The following PCDHGA6 variants were observed in gnomAD, a reference collection of about 807,000 sequenced individuals.
PCDHGA6 encodes protocadherin gamma subfamily A, 6.
PCDHGA6 carries 41 observed loss-of-function variants against 60.6 expected under a neutral mutation model. The ratio of observed to expected loss-of-function variants is 0.68; its 90% CI spans 0.53 to 0.88. The LOEUF is 0.88. Ranked by LOEUF, PCDHGA6 falls within the 40% of genes least tolerant of loss-of-function variation. The pLI is 0.00. For missense variants in PCDHGA6, 1,312 were observed against 1,203.0 expected, an observed-to-expected ratio of 1.09 and a Z score of -1.34; for synonymous variants, 594 against 524.4, an observed-to-expected ratio of 1.13 and a Z score of -1.81.
In PCDHGA6 at chr5:141,383,030, T is replaced by C. The variant is rs756178371; in HGVS notation, c.2424+6523T>C. 2 of 1,613,742 alleles carry C rather than the reference T, an allele frequency of 1.2e-6. No individual in the cohort carries two copies. Among genetic ancestry groups the C allele is most frequent in the Non-Finnish European group, 1.7e-6 (2 of 1,179,874 alleles). ...TCGGAGGAGACGGACAAAGGGTCCT[T>C]TGTGGGAGACATCGCCAAGGACCTG... On this transcript the variant is annotated intron_variant, in intron 1 of 3. Coordinates refer to ENST00000517434, the MANE Select transcript of PCDHGA6 (RefSeq NM_018919.3).
At chr5:141,392,945 C>A in intron 1 of PCDHGA6, 2 of 1,613,916 alleles carry the variant, frequency 1.2e-6, no homozygotes, top group Non-Finnish European at 1.7e-6. Flanking sequence ...AAGGCTCCTT[C>A]GTGGGTAATA....
In PCDHGA6 at chr5:141,421,044, C is replaced by A. The variant is rs556562994; in HGVS notation, c.2424+44537C>A. 5.5e-6 allele frequency: 3 copies of A among 548,610 alleles called. No individual in the cohort carries two copies. In the South Asian group the frequency reaches 8.2e-5, roughly 15 times the overall value. The allele number at this position is 548,610 out of a possible 1,614,324, so 34.0% of individuals were successfully genotyped here. A position where few individuals can be genotyped will look rare whatever the true frequency, so the allele number is the denominator to read the frequency against. ...CGCGCCATTGAGTCCCTCCCTCCCCCGCCTCTACCACACAAAGCGGAATGA... is the reference window on the plus strand; with the variant it reads ...CGCGCCATTGAGTCCCTCCCTCCCCAGCCTCTACCACACAAAGCGGAATGA... On this transcript the variant is annotated intron_variant, in intron 1 of 3. Transcript: ENST00000517434.
intron 1 of PCDHGA6, chr5:141,415,646 A>G: frequency 6.2e-7 from 1 of 1,600,190 alleles, no homozygotes; most frequent in South Asian, 1.1e-5. Context: ...TTTGTTAAAA[A>G]AAAAAAGATT....
chr5:141,403,694 C>T (rs746395931), intron 1 of PCDHGA6: 3 of 1,613,760 alleles, frequency 1.9e-6, no homozygotes, highest in Admixed American at 3.3e-5. Flanking sequence ...ACGGATTTAC[C>T]GAGTTAAAGT....
In PCDHGA6 at chr5:141,383,993, T is replaced by G. The variant is rs1779669421; in HGVS notation, c.2424+7486T>G. The G allele has an allele frequency of 3.7e-6, 6 of 1,613,872 alleles. No individual in the cohort carries two copies. The highest frequency in any genetic ancestry group is 1.6e-4 in the Middle Eastern group (1 of 6,062). ...CCTGAAGACACACCTCTTGGGACAG[T>G]CATTGCTCTTTTCTACCTACAAGAC... On this transcript the variant is annotated intron_variant, in intron 1 of 3. Transcript: ENST00000517434.
intron 3 of PCDHGA6, among the ~76,000 whole-genome samples, chr5:141,508,837 A>C (rs1596180024): frequency 6.7e-6 from 1 of 149,276 alleles, no homozygotes; most frequent in Non-Finnish European, 1.5e-5. Context: ...CCCCTCCCCT[A>C]CCCCTTCCAT....
intron 1 of PCDHGA6, among the ~76,000 whole-genome samples, chr5:141,442,810 T>C (rs2098345227): frequency 6.6e-6 from 1 of 152,222 alleles, no homozygotes; most frequent in Non-Finnish European, 1.5e-5. Context: ...ATTCAAATTG[T>C]ACTGATCCAA....
In PCDHGA6 at chr5:141,374,589, G is replaced by C; in HGVS notation, c.506G>C (p.Gly169Ala). 1.9e-6 allele frequency: 3 copies of C among 1,613,676 alleles called. No individual in the cohort carries two copies. Among genetic ancestry groups the C allele is most frequent in the Non-Finnish European group, 1.7e-6 (2 of 1,179,726 alleles). Residue 169 changes from glycine to alanine, a missense_variant, in exon 1 of 4, where the codon GGA (glycine) becomes GCA (alanine). Gly to Ala is a moderately conservative substitution (Grantham distance 60). Coordinates refer to ENST00000517434, the MANE Select transcript of PCDHGA6 (RefSeq NM_018919.3). ...DPDVGMNSLQ[G>A]FKLSGNSHFS... Reference sequence around the variant, plus strand: ...GATGTGGGAATGAACTCCCTTCAGGGATTTAAGCTCAGTGGTAATAGTCAC... The same window carrying C: ...GATGTGGGAATGAACTCCCTTCAGGCATTTAAGCTCAGTGGTAATAGTCAC...
chr5:141,451,037 C>T (rs1293972996), intron 1 of PCDHGA6, among the ~76,000 whole-genome samples: 1 of 151,594 alleles, frequency 6.6e-6, no homozygotes, highest in Middle Eastern at 3.2e-3. Context: ...ACCATATTGG[C>T]CAGGCTGGTC....
chr5:141,409,447 A>C, intron 1 of PCDHGA6: 1 of 1,614,008 alleles, frequency 6.2e-7, no homozygotes, highest in Non-Finnish European at 8.5e-7. Context: ...GAGAGCAGAC[A>C]CCAGAATACA....
At position 141,510,842 on chromosome 5, in the gene PCDHGA6, G is replaced by A. The variant is rs531098325; in HGVS notation, c.2573-105G>A. 8.7e-5 allele frequency: 138 copies of A among 1,590,280 alleles called. No homozygotes were observed. The African/African-American group carries it at 1.7e-3, about 19-fold the overall frequency. ...TATTCCCAGTGCTCAGCGTGGTCAA[G>A]GCCCAGGGTGCTGTATAGGCATTCA... On this transcript the variant is annotated intron_variant, in intron 3 of 3. Coordinates refer to ENST00000517434, the MANE Select transcript of PCDHGA6 (RefSeq NM_018919.3).
chr5:141,406,553 C>T (rs990498102), intron 1 of PCDHGA6, among the ~76,000 whole-genome samples: 1 of 152,150 alleles, frequency 6.6e-6, no homozygotes, highest in African/African-American at 2.4e-5. Flanking sequence ...CTTCAGTTAT[C>T]CACTTCCAAA....
At chr5:141,492,834 G>A (rs544218873) in intron 1 of PCDHGA6, among the ~76,000 whole-genome samples, 7 of 152,214 alleles carry the variant, frequency 4.6e-5, no homozygotes, top group African/African-American at 1.7e-4. Context: ...CCTTCCTCCC[G>A]CAGGAAGTGA....
rs150106838 is a variant in PCDHGA6, at chr5:141,503,886, T to C, written c.2484-1507T>C. On this transcript the variant is annotated intron_variant, in intron 2 of 3. Coordinates refer to ENST00000517434, the MANE Select transcript of PCDHGA6 (RefSeq NM_018919.3). Reference sequence around the variant, plus strand: ...AGTTCTTGGTTGTGCTCACCCACCATGACAAAATATGCACACACACAACGC... The same window carrying C: ...AGTTCTTGGTTGTGCTCACCCACCACGACAAAATATGCACACACACAACGC... Among the ~76,000 whole-genome samples, 20 of 152,290 alleles carry C rather than the reference T, an allele frequency of 1.3e-4. No individual in the cohort carries two copies. The South Asian group carries it at 3.9e-3, about 30-fold the overall frequency.
chr5:141,394,069 A>G (rs1054107584), intron 1 of PCDHGA6: 1 of 1,613,862 alleles, frequency 6.2e-7, no homozygotes, highest in African/African-American at 1.3e-5. Context: ...TCTATCTACA[A>G]TATCACAGTG....
At chr5:141,418,393 C>A in intron 1 of PCDHGA6, 1 of 1,613,984 alleles carries the variant, frequency 6.2e-7, no homozygotes, top group Non-Finnish European at 8.5e-7. Context: ...ACGAGTATTT[C>A]TCATTGGTGG....
At chr5:141,423,384 C>G (rs1196881147) in intron 1 of PCDHGA6, 1 of 1,614,054 alleles carries the variant, frequency 6.2e-7, no homozygotes, top group Non-Finnish European at 8.5e-7. Context: ...GGCTGTGGCG[C>G]TGGCATAAGT....
intron 1 of PCDHGA6, chr5:141,413,664 T>A: frequency 6.2e-7 from 1 of 1,613,858 alleles, no homozygotes; most frequent in Non-Finnish European, 8.5e-7. Flanking sequence ...AAGCTATTGA[T>A]CCGGATGTGG....
At chr5:141,413,637 G>T in intron 1 of PCDHGA6, 8 of 1,613,888 alleles carry the variant, frequency 5.0e-6, no homozygotes, top group Non-Finnish European at 6.8e-6. Context: ...CTGCGGGAAT[G>T]CGTTTTCCTC....
Sources: allele counts gnomAD v4.1 joint callset (sites outside exome capture counted in the v4.1 genomes callset), GRCh38; gene constraint gnomAD v4.1.1; transcripts MANE v1.5; gene names NCBI Gene and HGNC (gene_info 2026-07-23, HGNC 2026-07-21).